The following WDR41 variants were observed in gnomAD, a reference collection of about 807,000 sequenced individuals.
The protein encoded by WDR41 is WD repeat domain 41, also known as WD repeat-containing protein 41.
WDR41 carries 63 observed loss-of-function variants against 69.3 expected under a neutral mutation model. That is an observed-to-expected ratio of 0.91 (90% CI 0.74 to 1.12). The LOEUF is 1.12. WDR41 is among the 50% of genes most tolerant of loss of function. The probability of loss-of-function intolerance (pLI) is 0.00; values close to 1 mark genes in which losing one functional copy is unlikely to be tolerated. For missense variants in WDR41, 543 were observed against 534.5 expected (o/e 1.02, Z -0.16); for synonymous variants, 185 against 192.1 (o/e 0.96, Z 0.31).
At chr5:77,515,525 A>C (rs77299421) in intron 1 of WDR41, among the ~76,000 whole-genome samples, 2,789 of 152,262 alleles carry the variant, frequency 0.018, 62 homozygotes, top group African/African-American at 0.055. Flanking sequence ...CTCTAAAATA[A>C]CAATAAAAAG....
intron 8 of WDR41, among the ~76,000 whole-genome samples, chr5:77,443,964 C>T (rs550863297): frequency 1.3e-5 from 2 of 150,050 alleles, no homozygotes; most frequent in South Asian, 4.2e-4. Context: ...CTCCCTGTAA[C>T]CTCCACCTCC....
rs1743698702 is a variant in WDR41, at chr5:77,569,708, G to A, written c.42+50771C>T. Among the ~76,000 whole-genome samples the A allele has an allele frequency of 3.3e-5, 5 of 152,166 alleles. No individual in the cohort carries two copies. The South Asian group carries it at 8.3e-4, about 25-fold the overall frequency. On this transcript the variant is annotated intron_variant, in intron 1 of 5. Coordinates refer to the WDR41 transcript ENST00000509971. ...GTTCAACTGACATGGGAATGTAAAT[G>A]TCGTATATAATAGTCATATAAAATT...
intron 1 of WDR41, among the ~76,000 whole-genome samples, chr5:77,498,912 A>G (rs768427530): frequency 5.3e-5 from 8 of 152,132 alleles, no homozygotes; most frequent in Admixed American, 1.3e-4. Context: ...AAAAGAAAAA[A>G]TTGATAAATT....
At chr5:77,484,382 CCA>C (rs1468991596) in intron 2 of WDR41, among the ~76,000 whole-genome samples, 4 of 152,160 alleles carry the variant, frequency 2.6e-5, no homozygotes, top group Admixed American at 2.6e-4. Context: ...AACACATTCA[CCA>C]CACATGGTGG....
chr5:77,512,530 T>C (rs1802225778), intron 1 of WDR41, among the ~76,000 whole-genome samples: 1 of 151,104 alleles, frequency 6.6e-6, no homozygotes, highest in East Asian at 2.0e-4. Flanking sequence ...GGCAGGCGGA[T>C]CATGAGGTCA....
intron 2 of WDR41, among the ~76,000 whole-genome samples, chr5:77,465,501 T>C (rs908221176): frequency 6.6e-6 from 1 of 152,088 alleles, no homozygotes; most frequent in African/African-American, 2.4e-5. Context: ...ACATAAACAC[T>C]ATCAAAAGGA....
At chr5:77,508,680 T>C (rs1167497277) in intron 1 of WDR41, among the ~76,000 whole-genome samples, 2 of 152,338 alleles carry the variant, frequency 1.3e-5, no homozygotes, top group East Asian at 3.9e-4. Context: ...CTGAACATTT[T>C]TGGTAATATA....
chr5:77,437,368 T>G lies in WDR41; in HGVS notation c.1061A>C (p.Lys354Thr), dbSNP rs955332958. ...GSVRIWELRE[K>T]QQLAAEPVPT... ...TACAGGCTCAGCTGCAAGCTGCTGT[T>G]TTTCTCTTAACTCCCAAATGCGTAC... The change falls in exon 11 of 13, where the codon AAA becomes ACA. Residue 354 changes from lysine to threonine, a missense_variant. By Grantham distance (78) the Lys-to-Thr change is moderately conservative (BLOSUM62 -1). Coordinates refer to ENST00000296679, the MANE Select transcript of WDR41 (RefSeq NM_018268.4). The G allele has an allele frequency of 2.5e-6, 4 of 1,613,848 alleles. No homozygotes were observed. Among genetic ancestry groups the G allele is most frequent in the Non-Finnish European group, 2.5e-6 (3 of 1,179,906 alleles).
chr5:77,473,740 A>G (rs929017157), intron 2 of WDR41, among the ~76,000 whole-genome samples: 4 of 152,228 alleles, frequency 2.6e-5, no homozygotes, highest in African/African-American at 7.2e-5. Context: ...CAAAACCACA[A>G]TGATATACCA....
At chr5:77,487,924 C>G (rs1330121045) in intron 2 of WDR41, among the ~76,000 whole-genome samples, 2 of 152,220 alleles carry the variant, frequency 1.3e-5, no homozygotes, top group Non-Finnish European at 2.9e-5. Flanking sequence ...GTGATACACA[C>G]TGATGTTCCA....
intron 1 of WDR41, among the ~76,000 whole-genome samples, chr5:77,518,800 CAGAATCCAA>C (rs1802330532): frequency 6.6e-6 from 1 of 152,012 alleles, no homozygotes; most frequent in Non-Finnish European, 1.5e-5. Context: ...ATACTACTTT[CAGAATCCAA>C]TAATATATGT....
intron 5 of WDR41, 117 bp downstream of exon 5, chr5:77,458,945 G>GTCATT: frequency 1.5e-6 from 1 of 676,828 alleles, no homozygotes; most frequent in Non-Finnish European, 2.5e-6. Flanking sequence ...GACTACAAGT[G>GTCATT]TGTGGAAAGA....
At chr5:77,493,283 T>G (rs925417533), upstream of WDR41, among the ~76,000 whole-genome samples, 3 of 152,262 alleles carry the variant, frequency 2.0e-5, no homozygotes, top group Non-Finnish European at 2.9e-5. Flanking sequence ...TATTTGCATA[T>G]GTATTAGGTT....
chr5:77,487,736 G>A (rs578049426), intron 2 of WDR41, among the ~76,000 whole-genome samples: 49 of 152,210 alleles, frequency 3.2e-4, no homozygotes, highest in African/African-American at 1.1e-3. Flanking sequence ...TCAGGAAAGG[G>A]GCTGGCCAAG....
At chr5:77,562,270 G>C (rs1260217508) in intron 1 of WDR41, among the ~76,000 whole-genome samples, 1 of 152,142 alleles carries the variant, frequency 6.6e-6, no homozygotes, top group Non-Finnish European at 1.5e-5. Flanking sequence ...CCAACCACGG[G>C]CTAAATAGAG....
chr5:77,536,019 C>T (rs1742968030), intron 1 of WDR41, among the ~76,000 whole-genome samples: 1 of 152,090 alleles, frequency 6.6e-6, no homozygotes, highest in African/African-American at 2.4e-5. Flanking sequence ...AAGTCTGAGC[C>T]AAAGAAAATT....
At chr5:77,576,442 T>C (rs1162513150) in intron 1 of WDR41, among the ~76,000 whole-genome samples, 2 of 152,200 alleles carry the variant, frequency 1.3e-5, no homozygotes, top group East Asian at 3.8e-4. Flanking sequence ...GTCTGATTTC[T>C]AGCCCCTAAC....
intron 2 of WDR41, among the ~76,000 whole-genome samples, chr5:77,480,970 T>G (rs1425378391): frequency 2.0e-5 from 3 of 151,980 alleles, no homozygotes; most frequent in South Asian, 4.1e-4. Flanking sequence ...TCTGCCCCAC[T>G]TGCTTGAGAC....
chr5:77,604,777 T>C (rs900514099), intron 1 of WDR41, among the ~76,000 whole-genome samples: 10 of 152,056 alleles, frequency 6.6e-5, no homozygotes, highest in African/African-American at 2.4e-4. Context: ...TTATATTGCA[T>C]CCATACATGA....
Sources: gnomAD v4.1 joint callset for allele counts (sites outside exome capture counted in the v4.1 genomes callset) on GRCh38, gnomAD v4.1.1 for gene constraint, MANE v1.5 for transcripts, NCBI Gene and HGNC (gene_info 2026-07-23, HGNC 2026-07-21) for gene names.